The following WDPCP variants were observed in gnomAD, a reference collection of about 807,000 sequenced individuals.
WDPCP encodes WD repeat containing planar cell polarity effector.
WDPCP carries 71 observed loss-of-function variants against 93.1 expected under a neutral mutation model. The ratio of observed to expected loss-of-function variants is 0.76; its 90% CI spans 0.63 to 0.93. WDPCP has a LOEUF of 0.93. Among genes scored for constraint, WDPCP ranks in the 40% least tolerant of loss-of-function variants. The probability of loss-of-function intolerance (pLI) is 0.00; values close to 1 mark genes in which losing one functional copy is unlikely to be tolerated. For missense variants in WDPCP, 844 were observed against 887.4 expected (o/e 0.95, Z 0.62); for synonymous variants, 315 against 315.0 (o/e 1.00, Z 0.00).
intron 14 of WDPCP, among the ~76,000 whole-genome samples, chr2:63,235,368 T>C (rs1190510277): frequency 6.6e-6 from 1 of 151,846 alleles, no homozygotes; most frequent in African/African-American, 2.4e-5. Flanking sequence ...AGGCTACCAA[T>C]CAAAAAAAGC....
At chr2:63,610,748 C>A (rs1302018967) in intron 3 of WDPCP, among the ~76,000 whole-genome samples, 1 of 152,112 alleles carries the variant, frequency 6.6e-6, no homozygotes, top group Non-Finnish European at 1.5e-5. Context: ...TAAATTATAA[C>A]ACACTGTTCT....
intron 12 of WDPCP, among the ~76,000 whole-genome samples, chr2:63,375,436 T>A (rs1691764759): frequency 6.6e-6 from 1 of 151,978 alleles, no homozygotes; most frequent in Non-Finnish European, 1.5e-5. Context: ...CTTTATTAGC[T>A]ACCATATCAA....
chr2:63,474,542 A>G (rs1369442267), intron 6 of WDPCP, among the ~76,000 whole-genome samples: 3 of 152,118 alleles, frequency 2.0e-5, no homozygotes, highest in Non-Finnish European at 4.4e-5. Flanking sequence ...AGGCTGTTAA[A>G]TATTTGCTTA....
chr2:63,807,385 C>T (rs942312433), intron 2 of WDPCP, among the ~76,000 whole-genome samples: 3 of 152,152 alleles, frequency 2.0e-5, no homozygotes, highest in Non-Finnish European at 4.4e-5. Context: ...CTCCCCATCT[C>T]TCTCTATTGC....
intron 2 of WDPCP, among the ~76,000 whole-genome samples, chr2:63,659,328 A>G (rs553637509): frequency 6.6e-6 from 1 of 152,316 alleles, no homozygotes; most frequent in African/African-American, 2.4e-5. Context: ...ACACATCCTA[A>G]TCCCTGAAAC....
intron 17 of WDPCP, among the ~76,000 whole-genome samples, chr2:63,126,308 GT>G (rs1425225906): frequency 1.3e-5 from 2 of 152,138 alleles, no homozygotes; most frequent in African/African-American, 2.4e-5. Context: ...CTATTTGCAT[GT>G]GTTAAAAAAT....
chr2:63,454,876 T>A (rs955332230), intron 6 of WDPCP, among the ~76,000 whole-genome samples: 1 of 152,060 alleles, frequency 6.6e-6, no homozygotes, highest in African/African-American at 2.4e-5. Context: ...AGCAGAAACC[T>A]TATGGGCCAG....
chr2:63,682,881 TAAC>T (rs200638738), intron 2 of WDPCP, among the ~76,000 whole-genome samples: 1 of 151,804 alleles, frequency 6.6e-6, no homozygotes, highest in East Asian at 1.9e-4. Context: ...ACAATAACTA[TAAC>T]AACTTTTTAA....
Position 63,575,427 on chromosome 2 carries a change from AGT to A in WDPCP, c.75+12768_75+12769del, listed in dbSNP as rs375231746. 1.1e-4 allele frequency among the ~76,000 whole-genome samples: 9 copies of A among 83,906 alleles called. 1 individual carries two copies. The highest frequency in any genetic ancestry group is 3.7e-4 in the African/African-American group (6 of 16,278). The allele number at this position is 83,906 out of a possible 152,430, so 55.0% of individuals were successfully genotyped here. On this transcript the variant is annotated intron_variant, in intron 1 of 17. Transcript: ENST00000272321. ...TATATACAGTATATACACTGTATAC[AGT>A]GTATATACAGTGTATACACTGTATA...
chr2:63,752,930 G>T (rs1363409447), intron 2 of WDPCP, among the ~76,000 whole-genome samples: 2 of 151,976 alleles, frequency 1.3e-5, no homozygotes, highest in African/African-American at 4.8e-5. Context: ...CTGATCTCAA[G>T]TGATCCACCC....
At chr2:63,299,500 C>T (rs1233771444) in intron 13 of WDPCP, among the ~76,000 whole-genome samples, 2 of 152,158 alleles carry the variant, frequency 1.3e-5, no homozygotes, top group Non-Finnish European at 2.9e-5. Flanking sequence ...CAGGTCCAAG[C>T]ATCAAATGGA....
chr2:63,122,461 A>T (rs903454267), intron 17 of WDPCP, among the ~76,000 whole-genome samples: 1 of 152,206 alleles, frequency 6.6e-6, no homozygotes, highest in East Asian at 1.9e-4. Flanking sequence ...TGAGTATTTG[A>T]TAATGGCTAT....
At chr2:63,720,321 G>A (rs1669397436) in intron 2 of WDPCP, among the ~76,000 whole-genome samples, 1 of 151,756 alleles carries the variant, frequency 6.6e-6, no homozygotes. Context: ...GGAGGCTGAG[G>A]CAGAAGAATT....
chr2:63,688,256 C>G (rs540326178), intron 2 of WDPCP, among the ~76,000 whole-genome samples: 1 of 152,034 alleles, frequency 6.6e-6, no homozygotes, highest in Admixed American at 6.5e-5. Context: ...GAAACCCCGT[C>G]TTTACTAAAA....
chr2:63,384,362 T>C (rs1173691196), intron 10 of WDPCP, among the ~76,000 whole-genome samples: 2 of 152,126 alleles, frequency 1.3e-5, no homozygotes, highest in East Asian at 1.9e-4. Context: ...TTAGTTTTTA[T>C]ATGAACAAAT....
chr2:63,809,738 C>A (rs904140837), intron 2 of WDPCP, among the ~76,000 whole-genome samples: 4 of 151,970 alleles, frequency 2.6e-5, no homozygotes, highest in Non-Finnish European at 5.9e-5. Flanking sequence ...GTCATCACCA[C>A]TCCCTAATCT....
intron 2 of WDPCP, among the ~76,000 whole-genome samples, chr2:63,783,742 G>A (rs1299573411): frequency 6.6e-6 from 1 of 152,150 alleles, no homozygotes; most frequent in Non-Finnish European, 1.5e-5. Context: ...ATAAAGTGTG[G>A]AATGACAGAC....
chr2:63,478,178 C>G (rs1214860649), intron 6 of WDPCP, among the ~76,000 whole-genome samples: 1 of 151,938 alleles, frequency 6.6e-6, no homozygotes, highest in African/African-American at 2.4e-5. Flanking sequence ...ATGGAGGCCC[C>G]AAATTTATAA....
intron 1 of WDPCP, among the ~76,000 whole-genome samples, chr2:63,553,872 A>G (rs1220279319): frequency 6.6e-6 from 1 of 152,198 alleles, no homozygotes; most frequent in East Asian, 1.9e-4. Context: ...ACACAAACAC[A>G]CACAAATTTA....
Sources: gnomAD v4.1 joint callset for allele counts (sites outside exome capture counted in the v4.1 genomes callset) on GRCh38, gnomAD v4.1.1 for gene constraint, MANE v1.5 for transcripts, NCBI Gene and HGNC (gene_info 2026-07-23, HGNC 2026-07-21) for gene names.